PDE4D: variants seen among roughly 807,000 people sequenced by gnomAD.
PDE4D encodes phosphodiesterase 4D, also known as 3',5'-cyclic-AMP phosphodiesterase 4D.
PDE4D carries 24 observed loss-of-function variants against 87.4 expected under a neutral mutation model. The observed-to-expected ratio is 0.27, with a 90% CI of 0.20 to 0.39. PDE4D has a LOEUF of 0.39. Ranked by LOEUF, PDE4D falls within the 10% of genes least tolerant of loss-of-function variation. The probability of loss-of-function intolerance (pLI) is 1.00; values close to 1 mark genes in which losing one functional copy is unlikely to be tolerated. For synonymous variants in PDE4D, 384 were observed against 383.2 expected (o/e 1.00, Z -0.02); for missense variants, 714 against 1,041.0 (o/e 0.69, Z 4.32).
At position 59,973,517 on chromosome 5, in the gene PDE4D, C is replaced by G. The variant is rs376168510; in HGVS notation, c.272+14971G>C. Among the ~76,000 whole-genome samples, 687 of 151,556 alleles carry G rather than the reference C, an allele frequency of 4.5e-3. 11 individuals carry two copies. The highest frequency in any genetic ancestry group is 6.3e-3 in the Non-Finnish European group (427 of 67,926). On this transcript the variant is annotated intron_variant, in intron 3 of 16. Transcript: ENST00000502484. ...TTTCACTGTCATTCATTCAGTTTTG[C>G]CAACTGCAAAGGATGCTTTGACATA...
intron 1 of PDE4D, among the ~76,000 whole-genome samples, chr5:59,260,579 T>A (rs1438654380): frequency 1.3e-5 from 2 of 151,902 alleles, no homozygotes; most frequent in African/African-American, 2.4e-5. Flanking sequence ...CTTTGTGTAT[T>A]GGAAATTTAG....
At chr5:60,298,937 T>C (rs1753656666) in intron 1 of PDE4D, among the ~76,000 whole-genome samples, 1 of 152,196 alleles carries the variant, frequency 6.6e-6, no homozygotes, top group Non-Finnish European at 1.5e-5. Flanking sequence ...ACCACGGAAC[T>C]TTGAAGTCTC....
rs115315931 is a variant in PDE4D, at chr5:60,332,469, T to C, written c.-89-146782A>G. 7.2e-3 allele frequency among the ~76,000 whole-genome samples: 1,094 copies of C among 152,328 alleles called. 8 individuals carry two copies. Among genetic ancestry groups the C allele is most frequent in the African/African-American group, 0.025 (1,057 of 41,576 alleles). On this transcript the variant is annotated intron_variant, in intron 1 of 16. Coordinates refer to the PDE4D transcript ENST00000502484. ...GTTTTCTGTTTTTCACATTAATTCA[T>C]TTATGATAATGGGTTCCAGCTGCAT...
intron 1 of PDE4D, among the ~76,000 whole-genome samples, chr5:60,352,491 C>A (rs964574994): frequency 6.6e-6 from 1 of 152,202 alleles, no homozygotes; most frequent in Non-Finnish European, 1.5e-5. Context: ...GAGAGTAAAA[C>A]TAAATGGCTT....
In PDE4D at chr5:59,850,620, T is replaced by C. The variant is rs375757522; in HGVS notation, c.455+42548A>G. On this transcript the variant is annotated intron_variant, in intron 1 of 14. Coordinates refer to ENST00000340635, the MANE Select transcript of PDE4D (RefSeq NM_001104631.2). ...CAGCATGACTGAAATACAAAAATAG[T>C]TGGGGGAGGTGAAGGGGAATGAAAG... 1.5e-4 allele frequency among the ~76,000 whole-genome samples: 23 copies of C among 151,886 alleles called. No homozygotes were observed. In the East Asian group the frequency reaches 4.3e-3, roughly 28 times the overall value.
chr5:60,399,183 G>A (rs536898255), intron 1 of PDE4D, among the ~76,000 whole-genome samples: 1 of 152,144 alleles, frequency 6.6e-6, no homozygotes, highest in African/African-American at 2.4e-5. Flanking sequence ...TTCTTGGGGT[G>A]GGGGTGTGAC....
intron 5 of PDE4D, among the ~76,000 whole-genome samples, chr5:59,045,183 T>A (rs1760398762): frequency 1.3e-5 from 2 of 152,126 alleles, no homozygotes. Flanking sequence ...GGCTGAGTCC[T>A]CAAGAATGAA....
At chr5:59,464,652 T>C (rs971662188) in intron 1 of PDE4D, among the ~76,000 whole-genome samples, 2 of 152,136 alleles carry the variant, frequency 1.3e-5, no homozygotes, top group African/African-American at 2.4e-5. Flanking sequence ...GGTCCCCTTA[T>C]TTCTTTCTCT....
chr5:60,095,498 C>A (rs1207339466), intron 2 of PDE4D, among the ~76,000 whole-genome samples: 1 of 152,112 alleles, frequency 6.6e-6, no homozygotes. Flanking sequence ...GTGAAAAGTG[C>A]CGCAGTAAAC....
At chr5:59,011,095 A>G (rs142987224) in intron 6 of PDE4D, among the ~76,000 whole-genome samples, 4,523 of 152,276 alleles carry the variant, frequency 0.03, 83 homozygotes, top group Non-Finnish European at 0.043. Context: ...TGTTAGAAGG[A>G]AAACTAACAA....
chr5:59,571,748 A>G (rs1012817167), intron 1 of PDE4D, among the ~76,000 whole-genome samples: 1 of 152,192 alleles, frequency 6.6e-6, no homozygotes, highest in African/African-American at 2.4e-5. Flanking sequence ...TATATCCTGT[A>G]TTCAAGAACT....
intron 3 of PDE4D, among the ~76,000 whole-genome samples, chr5:59,955,116 T>A (rs911463629): frequency 1.3e-5 from 2 of 152,140 alleles, no homozygotes; most frequent in Non-Finnish European, 2.9e-5. Flanking sequence ...ATTTAATAAG[T>A]AAAAGAAGAG....
At chr5:59,879,568 T>C (rs1749135779) in intron 1 of PDE4D, among the ~76,000 whole-genome samples, 1 of 152,254 alleles carries the variant, frequency 6.6e-6, no homozygotes, top group Non-Finnish European at 1.5e-5. Context: ...ATTTGTAATT[T>C]GTTTGCATTT....
intron 1 of PDE4D, among the ~76,000 whole-genome samples, chr5:59,751,550 T>C (rs1241174560): frequency 6.7e-6 from 1 of 148,774 alleles, no homozygotes; most frequent in East Asian, 1.9e-4. Context: ...CATCATCATG[T>C]TTCTTTTATA....
chr5:60,251,354 C>G (rs1168708901), intron 1 of PDE4D, among the ~76,000 whole-genome samples: 1 of 151,954 alleles, frequency 6.6e-6, no homozygotes, highest in Non-Finnish European at 1.5e-5. Context: ...TCCTCTCCCC[C>G]TTCCCACTGT....
intron 1 of PDE4D, among the ~76,000 whole-genome samples, chr5:59,361,188 T>C (rs947315552): frequency 6.6e-6 from 1 of 152,132 alleles, no homozygotes; most frequent in Non-Finnish European, 1.5e-5. Context: ...AGGAAAGAAA[T>C]CATGGAGGAA....
At chr5:59,032,005 A>C (rs906993152) in intron 6 of PDE4D, among the ~76,000 whole-genome samples, 1 of 116,466 alleles carries the variant, frequency 8.6e-6, no homozygotes, top group African/African-American at 2.7e-5. Flanking sequence ...TGGAGGAATA[A>C]GTTTTAGTGA....
intron 9 of PDE4D, 67 bp from the exon 10 acceptor site, chr5:58,989,986 T>TAAA (rs11373971): frequency 8.0e-4 from 527 of 660,502 alleles, no homozygotes; most frequent in South Asian, 1.6e-3. Flanking sequence ...AGAGTATGTT[T>TAAA]AAAAAAAAAA....
intron 1 of PDE4D, among the ~76,000 whole-genome samples, chr5:60,400,039 C>A (rs1459351584): frequency 6.6e-6 from 1 of 152,222 alleles, no homozygotes; most frequent in Non-Finnish European, 1.5e-5. Context: ...GGACCCCTCA[C>A]TAAATTCACA....
Sources: allele counts gnomAD v4.1 joint callset (sites outside exome capture counted in the v4.1 genomes callset), GRCh38; gene constraint gnomAD v4.1.1; transcripts MANE v1.5; gene names NCBI Gene and HGNC (gene_info 2026-07-23, HGNC 2026-07-21).